The following IQCK variants were observed in gnomAD, a reference collection of about 807,000 sequenced individuals.
IQCK encodes the protein IQ domain-containing protein K.
IQCK carries 29 observed loss-of-function variants against 28.1 expected under a neutral mutation model. That is an observed-to-expected ratio of 1.03 (90% CI 0.77 to 1.41). The LOEUF is 1.41. Ranked by LOEUF, IQCK falls within the 40% of genes most tolerant of loss-of-function variation. IQCK has a pLI of 0.00. For missense variants in IQCK, 359 were observed against 314.7 expected (o/e 1.14, Z -1.07); for synonymous variants, 113 against 115.1 (o/e 0.98, Z 0.12).
intron 7 of IQCK, among the ~76,000 whole-genome samples, chr16:19,810,500 A>C (rs2055890319): frequency 6.8e-6 from 1 of 147,816 alleles, no homozygotes; most frequent in Non-Finnish European, 1.5e-5. Flanking sequence ...CCGTCTCAAA[A>C]AAAAAAAAAG....
intron 1 of IQCK, among the ~76,000 whole-genome samples, chr16:19,722,070 C>T (rs1278728850): frequency 1.3e-5 from 2 of 152,246 alleles, no homozygotes; most frequent in Admixed American, 6.5e-5. Flanking sequence ...AGCACAGCCA[C>T]TGAGCCAGCT....
chr16:19,732,874 C>T (rs1354891362), intron 2 of IQCK, among the ~76,000 whole-genome samples: 2 of 152,132 alleles, frequency 1.3e-5, no homozygotes, highest in African/African-American at 4.8e-5. Flanking sequence ...GGAGGGGGAG[C>T]TGGAGATCCA....
chr16:19,755,917 T>C lies in IQCK; in HGVS notation c.475-7931T>C, dbSNP rs990213112. Among the ~76,000 whole-genome samples the C allele has an allele frequency of 5.3e-5, 8 of 152,318 alleles. No homozygotes were observed. The South Asian group carries it at 1.4e-3, about 28-fold the overall frequency. ...GTCAAAACAGGCCAAGCCCAGTGGC[T>C]CACACCTGTAATGCCAGCACTTTGG... On this transcript the variant is annotated intron_variant, in intron 4 of 7. Transcript: ENST00000564186.
chr16:19,726,285 A>G (rs1025026007), intron 1 of IQCK, among the ~76,000 whole-genome samples: 7 of 152,170 alleles, frequency 4.6e-5, no homozygotes, highest in Non-Finnish European at 5.9e-5. Flanking sequence ...AAAGTAAAAT[A>G]CCATTTTTTT....
intron 4 of IQCK, chr16:19,736,156 A>G (rs1229457479): frequency 8.8e-6 from 4 of 455,824 alleles, no homozygotes; most frequent in Non-Finnish European, 1.8e-5. Flanking sequence ...GCCAACTGTC[A>G]TGAATGTAAA....
At chr16:19,771,331 A>T (rs34436552) in intron 6 of IQCK, among the ~76,000 whole-genome samples, 1 of 152,066 alleles carries the variant, frequency 6.6e-6, no homozygotes, top group Admixed American at 6.5e-5. Context: ...AGCTCAAGCA[A>T]TCTGCCTGCC....
intron 1 of IQCK, among the ~76,000 whole-genome samples, chr16:19,730,199 T>C (rs1225564179): frequency 6.6e-6 from 1 of 151,812 alleles, no homozygotes; most frequent in Admixed American, 6.6e-5. Flanking sequence ...CAGGTGATCC[T>C]CCTGCCTCGG....
At chr16:19,818,964 A>G (rs1286263034) in intron 7 of IQCK, among the ~76,000 whole-genome samples, 8 of 152,134 alleles carry the variant, frequency 5.3e-5, no homozygotes, top group African/African-American at 1.9e-4. Context: ...CAATTGGCAT[A>G]AAAAATCTAG....
chr16:19,763,843 T>C lies in IQCK; in HGVS notation c.475-5T>C. 6.2e-7 allele frequency: 1 copy of C among 1,608,784 alleles called. No homozygotes were observed. Among genetic ancestry groups the C allele is most frequent in the Non-Finnish European group, 8.5e-7 (1 of 1,175,238 alleles). ...TTGTAATTTAATTATCTCTTCTCTC[T>C]TCAGAGGAAAAGAACCAAATTCATT... is the stretch of plus-strand genomic sequence containing the variant. On this transcript the variant is annotated splice_polypyrimidine_tract_variant and splice_region_variant and intron_variant, in intron 4 of 7. Transcript: ENST00000564186.
intron 7 of IQCK, among the ~76,000 whole-genome samples, chr16:19,822,085 AAAAAAAAAAAC>A (rs1488522290): frequency 2.2e-4 from 27 of 123,876 alleles, no homozygotes; most frequent in African/African-American, 1.1e-3. Context: ...AAAAAAAAAC[AAAAAAAAAAAC>A]AAAAAAAAAC....
chr16:19,753,518 C>T (rs531649696), intron 4 of IQCK, among the ~76,000 whole-genome samples: 1 of 152,196 alleles, frequency 6.6e-6, no homozygotes, highest in South Asian at 2.1e-4. Context: ...GTTAGGCATC[C>T]AAAGCCCATA....
At chr16:19,827,337 T>G, downstream of IQCK, 1 of 585,884 alleles carries the variant, frequency 1.7e-6, no homozygotes, top group Non-Finnish European at 3.0e-6. Flanking sequence ...GGGCCATTTC[T>G]CTCCCACAGG....
intron 9 of IQCK, among the ~76,000 whole-genome samples, chr16:19,849,377 T>A (rs760657285): frequency 2.0e-5 from 3 of 152,008 alleles, no homozygotes; most frequent in Admixed American, 2.0e-4. Flanking sequence ...AAGTGATGTA[T>A]TATGAAAATC....
chr16:19,810,632 G>A lies in IQCK; in HGVS notation c.691-16394G>A, dbSNP rs533771085. On this transcript the variant is annotated intron_variant, in intron 7 of 7. Transcript: ENST00000564186. ...GTTTGAGACTAGCCTGGCCAACATG[G>A]CGAAACCCTCTACTAAAAATACAAA... Among the ~76,000 whole-genome samples, 3 of 152,104 alleles carry A rather than the reference G, an allele frequency of 2.0e-5. No homozygotes were observed. In the South Asian group the frequency reaches 6.2e-4, roughly 32 times the overall value.
intron 9 of IQCK, among the ~76,000 whole-genome samples, chr16:19,849,238 T>C (rs1170902309): frequency 6.6e-6 from 1 of 151,336 alleles, no homozygotes. Context: ...CAGTTTCCTT[T>C]CAATCATTAC....
chr16:19,813,932 A>G (rs2055941045), intron 7 of IQCK, among the ~76,000 whole-genome samples: 1 of 152,110 alleles, frequency 6.6e-6, no homozygotes, highest in African/African-American at 2.4e-5. Context: ...AAAGAAAACA[A>G]TTAGGGCTGG....
At chr16:19,769,273 C>T (rs1417064286) in intron 6 of IQCK, among the ~76,000 whole-genome samples, 1 of 152,184 alleles carries the variant, frequency 6.6e-6, no homozygotes, top group Non-Finnish European at 1.5e-5. Context: ...AATAATTAAG[C>T]TCTACCTTAG....
intron 1 of IQCK, 148 bp downstream of exon 1, chr16:19,718,635 G>A (rs1331746729): frequency 1.4e-6 from 1 of 693,612 alleles, no homozygotes; most frequent in Non-Finnish European, 2.1e-6. Flanking sequence ...TTTTACGCAT[G>A]GGGAAACTGA....
chr16:19,792,350 C>T (rs528326970), intron 7 of IQCK, among the ~76,000 whole-genome samples: 1 of 49,192 alleles, frequency 2.0e-5, no homozygotes, highest in East Asian at 5.3e-4. Flanking sequence ...AATGTACTCT[C>T]GTAGATTGCA....
Sources: gnomAD v4.1 joint callset for allele counts (sites outside exome capture counted in the v4.1 genomes callset) on GRCh38, gnomAD v4.1.1 for gene constraint, MANE v1.5 for transcripts, NCBI Gene and HGNC (gene_info 2026-07-23, HGNC 2026-07-21) for gene names.